RBFOX1: variants seen among roughly 807,000 people sequenced by gnomAD.
The protein encoded by RBFOX1 is RNA binding protein fox-1 homolog 1.
Under a neutral mutation model 57.7 loss-of-function variants are expected in RBFOX1, and 8 were observed. That is an observed-to-expected ratio of 0.14 (90% CI 0.08 to 0.25). RBFOX1 has a LOEUF of 0.25. Ranked by LOEUF, RBFOX1 falls within the 10% of genes least tolerant of loss-of-function variation. The pLI is 1.00. For synonymous variants in RBFOX1, 326 were observed against 222.4 expected, an observed-to-expected ratio of 1.47 and a Z score of -4.15; for missense variants, 611 against 548.5, an observed-to-expected ratio of 1.11 and a Z score of -1.14.
At chr16:5,643,087 G>C (rs962892308) in intron 3 of RBFOX1, among the ~76,000 whole-genome samples, 1 of 152,166 alleles carries the variant, frequency 6.6e-6, no homozygotes, top group Non-Finnish European at 1.5e-5. Context: ...ATGGGCAGAG[G>C]CTCCGTGTTA....
intron 1 of RBFOX1, among the ~76,000 whole-genome samples, chr16:5,398,965 C>T (rs188235532): frequency 2.0e-5 from 3 of 152,334 alleles, no homozygotes; most frequent in African/African-American, 4.8e-5. Flanking sequence ...GCACTCTGCT[C>T]TCCAGTCCCA....
chr16:7,273,733 C>T (rs1428978405), intron 4 of RBFOX1, among the ~76,000 whole-genome samples: 10 of 152,224 alleles, frequency 6.6e-5, no homozygotes, highest in East Asian at 5.8e-4. Context: ...TATCTAAATT[C>T]CCCATTCATC....
chr16:5,865,611 C>T (rs1335932721), intron 3 of RBFOX1, among the ~76,000 whole-genome samples: 1 of 152,174 alleles, frequency 6.6e-6, no homozygotes, highest in Non-Finnish European at 1.5e-5. Context: ...AAAGCCAGGT[C>T]AGTGGGAGCT....
At chr16:6,747,523 G>A (rs1399992782) in intron 3 of RBFOX1, among the ~76,000 whole-genome samples, 1 of 151,998 alleles carries the variant, frequency 6.6e-6, no homozygotes, top group African/African-American at 2.4e-5. Flanking sequence ...TGTCACCTGG[G>A]ATATGTAAGA....
chr16:7,350,196 TTAGA>T (rs1359551918), intron 4 of RBFOX1, among the ~76,000 whole-genome samples: 1 of 152,030 alleles, frequency 6.6e-6, no homozygotes, highest in African/African-American at 2.4e-5. Context: ...AAGGGTTATT[TTAGA>T]TAGTTGAAAC....
chr16:5,690,544 C>T (rs897221784), intron 3 of RBFOX1, among the ~76,000 whole-genome samples: 1 of 148,820 alleles, frequency 6.7e-6, no homozygotes, highest in African/African-American at 2.4e-5. Context: ...ACACTCACTT[C>T]TGTTGTGGCC....
At chr16:6,890,379 C>T (rs559588879) in intron 3 of RBFOX1, among the ~76,000 whole-genome samples, 10 of 152,140 alleles carry the variant, frequency 6.6e-5, no homozygotes, top group African/African-American at 1.2e-4. Flanking sequence ...ATTAGCTGGG[C>T]GTGGTGGTGG....
At chr16:7,472,040 T>A (rs569676018) in intron 4 of RBFOX1, among the ~76,000 whole-genome samples, 1 of 152,318 alleles carries the variant, frequency 6.6e-6, no homozygotes, top group African/African-American at 2.4e-5. Context: ...TAGTATATAT[T>A]TGACACAATT....
intron 3 of RBFOX1, among the ~76,000 whole-genome samples, chr16:6,914,569 A>G (rs2072616479): frequency 6.6e-6 from 1 of 152,018 alleles, no homozygotes; most frequent in African/African-American, 2.4e-5. Flanking sequence ...AAAATAAAAA[A>G]AAAAACCCAA....
chr16:5,470,769 C>T (rs551746398), intron 2 of RBFOX1, among the ~76,000 whole-genome samples: 1 of 152,266 alleles, frequency 6.6e-6, no homozygotes, highest in South Asian at 2.1e-4. Flanking sequence ...CCTCTGCAGC[C>T]TGGAACCCTC....
intron 1 of RBFOX1, among the ~76,000 whole-genome samples, chr16:5,319,535 C>A (rs112829037): frequency 7.6e-4 from 116 of 152,328 alleles, no homozygotes; most frequent in African/African-American, 2.7e-3. Flanking sequence ...TTACTGAGCG[C>A]CAATGTCAGT....
At chr16:6,649,430 C>T (rs1226619673) in intron 2 of RBFOX1, among the ~76,000 whole-genome samples, 1 of 152,126 alleles carries the variant, frequency 6.6e-6, no homozygotes, top group African/African-American at 2.4e-5. Flanking sequence ...ACAAGTTCTT[C>T]AGTGGTGGTT....
chr16:6,783,441 CA>C (rs34445060), intron 3 of RBFOX1, among the ~76,000 whole-genome samples: 5,965 of 125,932 alleles, frequency 0.047, 143 homozygotes, highest in African/African-American at 0.07. Context: ...ATGAAGCTTG[CA>C]AAAAAAAAAA....
chr16:6,643,142 C>T (rs964916464), intron 2 of RBFOX1, among the ~76,000 whole-genome samples: 5 of 152,142 alleles, frequency 3.3e-5, no homozygotes, highest in Admixed American at 2.6e-4. Flanking sequence ...TTAAAACATG[C>T]AGTCATTTGA....
In RBFOX1 at chr16:6,176,692, ATT is replaced by A. The variant is rs71142687; in HGVS notation, c.-126-140293_-126-140292del. Among the ~76,000 whole-genome samples the A allele has an allele frequency of 3.4e-3, 506 of 148,926 alleles. 3 individuals carry two copies. The highest frequency in any genetic ancestry group is 0.011 in the African/African-American group (453 of 40,632). On this transcript the variant is annotated intron_variant, in intron 1 of 15. Coordinates refer to ENST00000550418, the MANE Select transcript of RBFOX1 (RefSeq NM_018723.4). The stretch of plus-strand genomic sequence containing the variant: ...ATTTGCTAACAACCATTCTTAGGTC[ATT>A]TTTTTTTTTCTTTTCCAATCTGACC...
At chr16:7,592,076 C>T (rs990902378) in intron 7 of RBFOX1, among the ~76,000 whole-genome samples, 3 of 152,156 alleles carry the variant, frequency 2.0e-5, no homozygotes, top group South Asian at 4.2e-4. Flanking sequence ...AATTGCCCAA[C>T]GGAACAGGTA....
At chr16:7,583,243 T>C (rs375967819) in intron 6 of RBFOX1, among the ~76,000 whole-genome samples, 16 of 151,196 alleles carry the variant, frequency 1.1e-4, no homozygotes, top group African/African-American at 3.6e-4. Context: ...CTTTTAAAAA[T>C]ACCGGTTGAG....
chr16:5,564,984 A>G (rs1196219443), intron 2 of RBFOX1, among the ~76,000 whole-genome samples: 3 of 152,156 alleles, frequency 2.0e-5, no homozygotes, highest in Non-Finnish European at 4.4e-5. Flanking sequence ...TGGATGAGGG[A>G]TGGCACTTCA....
At chr16:6,978,687 G>T (rs2087789040) in intron 3 of RBFOX1, among the ~76,000 whole-genome samples, 1 of 152,140 alleles carries the variant, frequency 6.6e-6, no homozygotes. Context: ...TGGAAGCTGA[G>T]GTTTTGCCAA....
Sources: gnomAD v4.1 joint callset for allele counts (sites outside exome capture counted in the v4.1 genomes callset) on GRCh38, gnomAD v4.1.1 for gene constraint, MANE v1.5 for transcripts, NCBI Gene and HGNC (gene_info 2026-07-23, HGNC 2026-07-21) for gene names.